CCDC178: variants seen among roughly 807,000 people sequenced by gnomAD.
CCDC178 encodes the protein coiled-coil domain containing 178, also known as coiled-coil domain-containing protein 178.
CCDC178 carries 126 observed loss-of-function variants against 117.4 expected under a neutral mutation model. The observed-to-expected ratio is 1.07, with a 90% CI of 0.93 to 1.24. CCDC178 has a LOEUF of 1.24. CCDC178 is among the 50% of genes most tolerant of loss of function. The pLI is 0.00. For synonymous variants in CCDC178, 283 were observed against 313.4 expected (o/e 0.90, Z 1.02); for missense variants, 1,030 against 986.9 (o/e 1.04, Z -0.59).
chr18:33,387,935 T>C (rs1455009891), intron 5 of CCDC178, among the ~76,000 whole-genome samples: 1 of 152,026 alleles, frequency 6.6e-6, no homozygotes, highest in African/African-American at 2.4e-5. Context: ...ACCTACAGAA[T>C]GGGAGAAAAT....
At chr18:33,193,264 CAAAAAAAAAAAAA>C (rs59092607) in intron 20 of CCDC178, among the ~76,000 whole-genome samples, 26 of 77,182 alleles carry the variant, frequency 3.4e-4, no homozygotes, top group South Asian at 2.0e-3. Flanking sequence ...CTCCGTCTCA[CAAAAAAAAAAAAA>C]AAAAAAAAAA....
intron 10 of CCDC178, among the ~76,000 whole-genome samples, chr18:33,328,403 C>G (rs1299749510): frequency 1.3e-5 from 2 of 151,924 alleles, no homozygotes; most frequent in Admixed American, 6.6e-5. Context: ...ACCTGGCTAT[C>G]CATAGGTTTT....
chr18:33,116,695 C>T (rs1439677796), intron 20 of CCDC178, among the ~76,000 whole-genome samples: 3 of 145,930 alleles, frequency 2.1e-5, no homozygotes, highest in African/African-American at 8.0e-5. Context: ...ACTAGAAATG[C>T]ACTCAGGTGG....
chr18:33,391,440 A>C (rs2063564340), intron 4 of CCDC178, among the ~76,000 whole-genome samples: 1 of 152,146 alleles, frequency 6.6e-6, no homozygotes, highest in Admixed American at 6.5e-5. Flanking sequence ...GGATGTGATG[A>C]GTACAATAAG....
chr18:33,094,608 C>T (rs1022107711), intron 20 of CCDC178, among the ~76,000 whole-genome samples: 1 of 151,486 alleles, frequency 6.6e-6, no homozygotes, highest in East Asian at 1.9e-4. Flanking sequence ...TACAGAGTTC[C>T]GGGATTTGCA....
At chr18:33,289,843 C>T (rs953677982) in intron 12 of CCDC178, among the ~76,000 whole-genome samples, 3 of 152,022 alleles carry the variant, frequency 2.0e-5, no homozygotes, top group African/African-American at 7.2e-5. Context: ...GAGAGGATCA[C>T]AAAATCCCTA....
At chr18:33,347,911 A>G (rs534115308) in intron 8 of CCDC178, among the ~76,000 whole-genome samples, 1 of 152,050 alleles carries the variant, frequency 6.6e-6, no homozygotes, top group South Asian at 2.1e-4. Flanking sequence ...TACTGTTCTA[A>G]GCAACTACCT....
intron 21 of CCDC178, among the ~76,000 whole-genome samples, chr18:33,030,545 A>ATAGATAGATAGT (rs2056319812): frequency 6.6e-6 from 1 of 151,906 alleles, no homozygotes; most frequent in Non-Finnish European, 1.5e-5. Context: ...AGATAGATAG[A>ATAGATAGATAGT]TAGATAGATA....
chr18:33,310,006 G>A (rs1221452598), intron 11 of CCDC178, among the ~76,000 whole-genome samples: 1 of 150,284 alleles, frequency 6.7e-6, no homozygotes, highest in Non-Finnish European at 1.5e-5. Context: ...GTCTCACTCT[G>A]TCACCAGGCT....
intron 5 of CCDC178, among the ~76,000 whole-genome samples, chr18:33,380,210 G>C (rs2144791164): frequency 6.6e-6 from 1 of 152,276 alleles, no homozygotes; most frequent in South Asian, 2.1e-4. Context: ...CTGGACTGTG[G>C]TAGCTCTGCT....
intron 20 of CCDC178, among the ~76,000 whole-genome samples, chr18:33,168,199 G>A (rs2058556380): frequency 6.6e-6 from 1 of 152,084 alleles, no homozygotes; most frequent in South Asian, 2.1e-4. Flanking sequence ...TTATCTTCCA[G>A]GGTTTTTATA....
intron 20 of CCDC178, among the ~76,000 whole-genome samples, chr18:33,157,951 G>A (rs998433749): frequency 2.0e-5 from 3 of 152,070 alleles, no homozygotes; most frequent in Non-Finnish European, 4.4e-5. Flanking sequence ...TTTTTAAAAC[G>A]TAGGTGTAAC....
At chr18:33,207,043 A>T (rs2144574682) in intron 20 of CCDC178, among the ~76,000 whole-genome samples, 1 of 152,276 alleles carries the variant, frequency 6.6e-6, no homozygotes, top group Admixed American at 6.5e-5. Context: ...CTCAGGCTGG[A>T]GTTTCATGTC....
intron 20 of CCDC178, among the ~76,000 whole-genome samples, chr18:33,155,662 G>A (rs953357012): frequency 1.3e-5 from 2 of 152,064 alleles, no homozygotes; most frequent in South Asian, 2.1e-4. Context: ...CAATTTTTTT[G>A]TCAAACACTT....
chr18:33,104,531 C>G (rs1350626449), intron 20 of CCDC178, among the ~76,000 whole-genome samples: 1 of 151,542 alleles, frequency 6.6e-6, no homozygotes, highest in African/African-American at 2.4e-5. Flanking sequence ...ATTTAAGGTC[C>G]TCTTGTCACT....
At position 33,117,551 on chromosome 18, in the gene CCDC178, C is replaced by G. The variant is rs113812110; in HGVS notation, c.2239-24641G>C. ...TTATTGGACACAGGAAGGGGAACAT[C>G]ACACACCGGGGCCTGTCGTGGGGTG... On this transcript the variant is annotated intron_variant, in intron 20 of 22. Coordinates refer to ENST00000383096, the MANE Select transcript of CCDC178 (RefSeq NM_001105528.4). 7.8e-3 allele frequency among the ~76,000 whole-genome samples: 1,190 copies of G among 152,004 alleles called. 13 individuals carry two copies. Among genetic ancestry groups the G allele is most frequent in the African/African-American group, 0.027 (1,108 of 41,472 alleles).
At chr18:33,433,346 T>A (rs2064246211) in intron 2 of CCDC178, among the ~76,000 whole-genome samples, 1 of 152,206 alleles carries the variant, frequency 6.6e-6, no homozygotes, top group African/African-American at 2.4e-5. Context: ...AAAAAACTTC[T>A]AGTTCATATG....
chr18:33,301,065 G>T (rs1035793885), intron 11 of CCDC178, among the ~76,000 whole-genome samples: 4 of 152,208 alleles, frequency 2.6e-5, no homozygotes, highest in Admixed American at 6.5e-5. Context: ...GTTTCAGGGG[G>T]CAGGCCTGGG....
chr18:33,230,580 TA>T (rs1450051008), intron 15 of CCDC178, among the ~76,000 whole-genome samples: 1 of 152,176 alleles, frequency 6.6e-6, no homozygotes, highest in African/African-American at 2.4e-5. Context: ...AATTAAATTG[TA>T]AAAGTTTCAG....
Sources: gnomAD v4.1 joint callset for allele counts (sites outside exome capture counted in the v4.1 genomes callset) on GRCh38, gnomAD v4.1.1 for gene constraint, MANE v1.5 for transcripts, NCBI Gene and HGNC (gene_info 2026-07-23, HGNC 2026-07-21) for gene names.